The following GYG1 variants were observed in gnomAD, a reference collection of about 807,000 sequenced individuals.
GYG1 encodes the protein glycogenin 1, also known as glycogenin-1.
A neutral mutation model predicts 41.9 loss-of-function variants in GYG1; 44 were observed. That is an observed-to-expected ratio of 1.05 (90% CI 0.83 to 1.35). The LOEUF is 1.35. Among genes scored for constraint, GYG1 ranks in the 40% most tolerant of loss-of-function variants. The pLI, the probability that GYG1 is intolerant of heterozygous loss-of-function variation, is 0.00. For synonymous variants in GYG1, 141 were observed against 158.1 expected, an observed-to-expected ratio of 0.89 and a Z score of 0.81; for missense variants, 429 against 418.9, an observed-to-expected ratio of 1.02 and a Z score of -0.21.
rs1715017828 is a variant in GYG1 at position 149,031,335 on chromosome 3, A to G, written c.*4402A>G. ...ATCATCCAGCCCAACTTCCATCCAG[A>G]TATCACGCCTCTCACATATAGTAGT... On this transcript the variant is annotated 3_prime_UTR_variant, in exon 8 of 8. Transcript: ENST00000345003. 6.6e-6 allele frequency: 1 copy of G among 152,632 alleles called. No homozygotes were observed. Among genetic ancestry groups the G allele is most frequent in the Admixed American group, 6.5e-5 (1 of 15,278 alleles). The allele number at this position is 152,632 out of a possible 1,614,324, so 9.5% of individuals were successfully genotyped here. A position where few individuals can be genotyped will look rare whatever the true frequency, so the allele number is the denominator to read the frequency against.
intron 5 of GYG1, among the ~76,000 whole-genome samples, chr3:149,018,448 A>G (rs1354986747): frequency 6.6e-6 from 1 of 152,188 alleles, no homozygotes; most frequent in Admixed American, 6.5e-5. Context: ...GAGATCCCTC[A>G]TATCAAGCCA....
At chr3:149,002,677 C>T (rs891696699) in intron 4 of GYG1, among the ~76,000 whole-genome samples, 2 of 152,106 alleles carry the variant, frequency 1.3e-5, no homozygotes, top group African/African-American at 2.4e-5. Flanking sequence ...AGCATGCTCA[C>T]TATAGGCAGT....
In GYG1 at chr3:149,030,208, A is replaced by G. The variant is rs577723896; in HGVS notation, c.*3275A>G. ...TGTTTGAATCACAAGTGGTAATACAATGTCTTCAATATTTTTCTAAAGTTA... is the reference window on the plus strand; with the variant it reads ...TGTTTGAATCACAAGTGGTAATACAGTGTCTTCAATATTTTTCTAAAGTTA... On this transcript the variant is annotated 3_prime_UTR_variant, in exon 8 of 8. Coordinates refer to ENST00000345003, the MANE Select transcript of GYG1 (RefSeq NM_004130.4). 2.0e-5 allele frequency: 3 copies of G among 152,330 alleles called. No homozygotes were observed. The highest frequency in any genetic ancestry group is 4.4e-5 in the Non-Finnish European group (3 of 68,020). The allele number at this position is 152,330 out of a possible 1,614,324, so 9.4% of individuals were successfully genotyped here. A position where few individuals can be genotyped will look rare whatever the true frequency, so the allele number is the denominator to read the frequency against.
chr3:149,013,819 G>A (rs1283646872), intron 5 of GYG1, among the ~76,000 whole-genome samples: 1 of 152,034 alleles, frequency 6.6e-6, no homozygotes, highest in Non-Finnish European at 1.5e-5. Context: ...AACTCTCCAC[G>A]TAACTATTGT....
chr3:148,996,633 C>A, intron 3 of GYG1, 109 bp from the exon 4 acceptor site: 1 of 1,240,360 alleles, frequency 8.1e-7, no homozygotes, highest in Non-Finnish European at 1.2e-6. Context: ...GAGGCCCAGG[C>A]TGCCTTACAG....
In GYG1 at chr3:149,031,245, TAA is replaced by T. The variant is rs1226138611; in HGVS notation, c.*4314_*4315del. On this transcript the variant is annotated 3_prime_UTR_variant, in exon 8 of 8. Transcript: ENST00000345003. ...CAAGTTCAAAATCAAATTCTGATTC[TAA>T]ACACATAACAATTGTTTACATTCAG... 6.6e-6 allele frequency: 1 copy of T among 152,634 alleles called. No individual in the cohort carries two copies. The highest frequency in any genetic ancestry group is 2.4e-5 in the African/African-American group (1 of 41,464). 9.5% of individuals were successfully genotyped at this position (152,634 alleles called of 1,614,324 possible).
chr3:149,020,595 T>TGAATAC (rs1233687177), intron 5 of GYG1, among the ~76,000 whole-genome samples: 2 of 152,248 alleles, frequency 1.3e-5, no homozygotes, highest in Non-Finnish European at 2.9e-5. Context: ...ATGAATACTT[T>TGAATAC]ATATTCTTAT....
rs900217907 is a variant in GYG1 at position 149,009,392 on chromosome 3, G to A, written c.598G>A (p.Ala200Thr). 2 of 1,613,584 alleles carry A rather than the reference G, an allele frequency of 1.2e-6. No homozygotes were observed. The highest frequency in any genetic ancestry group is 1.1e-5 in the South Asian group (1 of 91,074). Residue 200 changes from alanine to threonine, a missense_variant, in exon 5 of 8, where the codon GCA (alanine) becomes ACA (threonine). Ala to Thr is a moderately conservative substitution (Grantham distance 58). Coordinates refer to ENST00000345003, the MANE Select transcript of GYG1 (RefSeq NM_004130.4). ...SSISIYSYLPAFKVFGASAKV... is the reference protein window; with the variant it reads ...SSISIYSYLPTFKVFGASAKV... The stretch of plus-strand genomic sequence containing the variant: ...CATCTCTATATACTCCTACCTCCCG[G>A]CATTTAAAGTGTAAGTGCAGATGGT...
intron 1 of GYG1, among the ~76,000 whole-genome samples, chr3:148,993,312 G>A (rs1000689648): frequency 7.3e-6 from 1 of 137,388 alleles, no homozygotes; most frequent in African/African-American, 2.6e-5. Context: ...CTGTTGGTTT[G>A]GGCGGGGGGA....
intron 5 of GYG1, among the ~76,000 whole-genome samples, chr3:149,014,236 G>A (rs1009153143): frequency 8.6e-5 from 13 of 152,046 alleles, no homozygotes; most frequent in Non-Finnish European, 7.4e-5. Flanking sequence ...GACCTCATCC[G>A]AAGTGTTTAT....
chr3:148,996,602 A>G (rs1712806271), intron 3 of GYG1, 126 bp downstream of exon 3: 4 of 1,185,394 alleles, frequency 3.4e-6, no homozygotes, highest in East Asian at 2.4e-5. Context: ...GTCATGAAAT[A>G]TGTCAGGGGA....
chr3:149,015,166 A>G (rs1488619353), intron 5 of GYG1, among the ~76,000 whole-genome samples: 4 of 152,144 alleles, frequency 2.6e-5, no homozygotes, highest in African/African-American at 9.7e-5. Flanking sequence ...GCAAGTTCGT[A>G]GGGGTAGGGA....
intron 1 of GYG1, among the ~76,000 whole-genome samples, chr3:148,991,932 G>A (rs1477349597): frequency 6.6e-6 from 1 of 152,176 alleles, no homozygotes; most frequent in Non-Finnish European, 1.5e-5. Context: ...CACGGCGAAG[G>A]GCCGGCGGGC....
chr3:149,007,524 G>A (rs1713469177), intron 4 of GYG1, among the ~76,000 whole-genome samples: 1 of 152,206 alleles, frequency 6.6e-6, no homozygotes, highest in Non-Finnish European at 1.5e-5. Context: ...ATTTGGAAAG[G>A]ATAGAATACG....
intron 5 of GYG1, among the ~76,000 whole-genome samples, chr3:149,015,959 G>A (rs1443528176): frequency 6.6e-6 from 1 of 152,074 alleles, no homozygotes; most frequent in Non-Finnish European, 1.5e-5. Flanking sequence ...GGAGAGACTG[G>A]CTTCAGATAA....
intron 6 of GYG1, among the ~76,000 whole-genome samples, chr3:149,025,879 C>T (rs1047486509): frequency 3.3e-5 from 5 of 152,112 alleles, no homozygotes; most frequent in Admixed American, 2.0e-4. Context: ...CTTGGCTTGA[C>T]CTCAGGGGCC....
Position 149,002,531 on chromosome 3 carries a change from G to A in GYG1, c.481+5627G>A, listed in dbSNP as rs377396487. ...TTAAATGGGTTGAGGCCAGTGAGAT[G>A]CCGTGATGCTGGGGCCCAAGCTCCA... On this transcript the variant is annotated intron_variant, in intron 4 of 7. Transcript: ENST00000345003. 6.3e-4 allele frequency among the ~76,000 whole-genome samples: 96 copies of A among 152,292 alleles called. 2 individuals are homozygous for A. In the Middle Eastern group the frequency reaches 0.034, roughly 54 times the overall value.
intron 5 of GYG1, among the ~76,000 whole-genome samples, chr3:149,013,486 C>T (rs1422168077): frequency 6.6e-6 from 1 of 152,164 alleles, no homozygotes; most frequent in Non-Finnish European, 1.5e-5. Context: ...ATTAATTGGT[C>T]AAATTGAGTA....
chr3:149,019,329 T>C (rs1161745882), intron 5 of GYG1, among the ~76,000 whole-genome samples: 1 of 152,144 alleles, frequency 6.6e-6, no homozygotes, highest in Non-Finnish European at 1.5e-5. Context: ...ATCCTAACAC[T>C]TTGTGATTTG....
Sources: gnomAD v4.1 joint callset for allele counts (sites outside exome capture counted in the v4.1 genomes callset) on GRCh38, gnomAD v4.1.1 for gene constraint, MANE v1.5 for transcripts, NCBI Gene and HGNC (gene_info 2026-07-23, HGNC 2026-07-21) for gene names.